Variants in TMEM135 observed in about 807,000 individuals in gnomAD.
TMEM135 encodes peroxisomal membrane protein 52.
Under a neutral mutation model 60.3 loss-of-function variants are expected in TMEM135, and 30 were observed. The observed-to-expected ratio is 0.50, with a 90% CI of 0.37 to 0.68. The LOEUF (loss-of-function observed/expected upper bound fraction) is 0.68, where lower values mean the gene tolerates loss of function less well. TMEM135 is among the 30% of genes least tolerant of loss of function. The pLI, the probability that TMEM135 is intolerant of heterozygous loss-of-function variation, is 0.00. For synonymous variants in TMEM135, 190 were observed against 186.7 expected (o/e 1.02, Z -0.14); for missense variants, 468 against 548.8 (o/e 0.85, Z 1.47).
At chr11:87,192,550 G>T (rs550159368) in intron 5 of TMEM135, among the ~76,000 whole-genome samples, 2 of 152,096 alleles carry the variant, frequency 1.3e-5, no homozygotes, top group African/African-American at 4.8e-5. Context: ...AAGGCAATTA[G>T]GTAAATATGA....
intron 3 of TMEM135, among the ~76,000 whole-genome samples, chr11:87,083,471 G>A (rs995279719): frequency 5.9e-5 from 9 of 152,314 alleles, no homozygotes; most frequent in South Asian, 4.1e-4. Flanking sequence ...ATGGATTAAA[G>A]TATCAACAAT....
chr11:87,139,104 G>T (rs966111860), intron 4 of TMEM135, among the ~76,000 whole-genome samples: 5 of 152,066 alleles, frequency 3.3e-5, no homozygotes, highest in African/African-American at 1.2e-4. Context: ...AAGTTTATAT[G>T]AATTTAAGAT....
chr11:87,167,452 A>AATATATAT (rs2135283031), intron 5 of TMEM135, among the ~76,000 whole-genome samples: 1 of 152,232 alleles, frequency 6.6e-6, no homozygotes, highest in South Asian at 2.1e-4. Context: ...GTTTGTCATA[A>AATATATAT]ATAGCTCTTA....
At chr11:87,204,096 C>T (rs891453171) in intron 5 of TMEM135, among the ~76,000 whole-genome samples, 16 of 151,764 alleles carry the variant, frequency 1.1e-4, no homozygotes, top group Admixed American at 9.2e-4. Flanking sequence ...TCTTTTGGCT[C>T]GTTTACTTTC....
intron 5 of TMEM135, among the ~76,000 whole-genome samples, chr11:87,229,148 T>C (rs781396248): frequency 1.3e-5 from 2 of 152,180 alleles, no homozygotes; most frequent in Non-Finnish European, 2.9e-5. Context: ...CTTAATACAT[T>C]TTGACGTTTC....
chr11:87,062,761 C>A (rs185796823), intron 1 of TMEM135, among the ~76,000 whole-genome samples: 61 of 151,960 alleles, frequency 4.0e-4, no homozygotes, highest in African/African-American at 1.4e-3. Flanking sequence ...TGCACTCGGC[C>A]CATTTATTTT....
intron 4 of TMEM135, among the ~76,000 whole-genome samples, chr11:87,111,724 A>G (rs147090877): frequency 6.6e-6 from 1 of 151,770 alleles, no homozygotes; most frequent in East Asian, 1.9e-4. Context: ...TCAGTGAATT[A>G]TACCCACATA....
At chr11:87,306,229 TA>T (rs1468039151) in intron 9 of TMEM135, among the ~76,000 whole-genome samples, 13 of 152,334 alleles carry the variant, frequency 8.5e-5, no homozygotes, top group Non-Finnish European at 1.9e-4. Flanking sequence ...TTAGCTTGTT[TA>T]AAAATTGGCT....
chr11:87,101,437 C>T (rs1417911737), intron 4 of TMEM135, among the ~76,000 whole-genome samples: 1 of 152,096 alleles, frequency 6.6e-6, no homozygotes, highest in Non-Finnish European at 1.5e-5. Context: ...GTAGTTAGTT[C>T]ACTTACATTT....
At chr11:87,278,188 T>C (rs1291647293) in intron 6 of TMEM135, among the ~76,000 whole-genome samples, 1 of 152,208 alleles carries the variant, frequency 6.6e-6, no homozygotes, top group East Asian at 1.9e-4. Context: ...GTTACCTCTA[T>C]ACTAAAAAAT....
At chr11:87,130,190 C>T (rs1343841558) in intron 4 of TMEM135, among the ~76,000 whole-genome samples, 2 of 149,372 alleles carry the variant, frequency 1.3e-5, no homozygotes, top group Admixed American at 6.7e-5. Flanking sequence ...AAGTAAATTA[C>T]AAGGAGTCTT....
chr11:87,067,708 C>T lies in TMEM135; in HGVS notation c.156C>T (p.Leu52=), dbSNP rs746898670. The T allele has an allele frequency of 1.2e-6, 2 of 1,613,760 alleles. No homozygotes were observed. The highest frequency in any genetic ancestry group is 1.7e-6 in the Non-Finnish European group (2 of 1,179,850). The part of the protein sequence containing the change: ...YAPLYLIAAI[L]RKRKLDYYLH... The stretch of plus-strand genomic sequence containing the variant: ...TCTCTTTCCAGATTGCAGCAATTCT[C>T]CGGAAACGGAAATTAGACTATTATT... The change falls in exon 2 of 15, where the codon CTC becomes CTT. Residue 52 remains leucine, a synonymous_variant. Transcript: ENST00000305494.
chr11:87,121,639 C>CTTTTTTTTTTTTTT (rs542358265), intron 4 of TMEM135: 1 of 110,222 alleles, frequency 9.1e-6, no homozygotes, highest in Non-Finnish European at 1.8e-5. Context: ...TTTGAATGTA[C>CTTTTTTTTTTTTTT]TTTTTTTTTT....
rs1293614716 is a variant in TMEM135, at chr11:87,324,167, A to G, written c.*2834A>G. On this transcript the variant is annotated 3_prime_UTR_variant, in exon 15 of 15. Transcript: ENST00000305494. ...ACATTTCATTTAGTTGTTAATGCTG[A>G]CGTAATTGTTTCCTGCTTATATTTT... 4.4e-6 allele frequency: 2 copies of G among 454,028 alleles called. No homozygotes were observed. Among genetic ancestry groups the G allele is most frequent in the Admixed American group, 4.7e-5 (2 of 42,558 alleles). The allele number at this position is 454,028 out of a possible 1,614,324, so 28.1% of individuals were successfully genotyped here.
intron 1 of TMEM135, among the ~76,000 whole-genome samples, chr11:87,056,987 G>A (rs1308749202): frequency 6.6e-6 from 1 of 152,160 alleles, no homozygotes; most frequent in African/African-American, 2.4e-5. Context: ...ATGAAAGAGT[G>A]TTTTGGTTTA....
At chr11:87,198,898 T>C (rs1040534978) in intron 5 of TMEM135, among the ~76,000 whole-genome samples, 13 of 152,028 alleles carry the variant, frequency 8.6e-5, no homozygotes, top group Middle Eastern at 3.4e-3. Context: ...TGTCTTTTTT[T>C]ATTTTGCTAG....
chr11:87,248,419 T>C (rs917623934), intron 6 of TMEM135, among the ~76,000 whole-genome samples: 12 of 152,198 alleles, frequency 7.9e-5, no homozygotes, highest in African/African-American at 2.9e-4. Context: ...TGATATCTCA[T>C]TGTATTTTTG....
intron 5 of TMEM135, among the ~76,000 whole-genome samples, chr11:87,212,754 C>T (rs760834877): frequency 1.2e-4 from 18 of 146,094 alleles, no homozygotes; most frequent in Admixed American, 6.3e-4. Context: ...GCCTGAGAAG[C>T]GGAGGTTGTA....
At chr11:87,253,810 T>C (rs1156635584) in intron 6 of TMEM135, among the ~76,000 whole-genome samples, 2 of 151,686 alleles carry the variant, frequency 1.3e-5, no homozygotes, top group African/African-American at 4.8e-5. Context: ...TAGAATTTAA[T>C]AGTAACAATC....
Sources: gnomAD v4.1 joint callset for allele counts (sites outside exome capture counted in the v4.1 genomes callset) on GRCh38, gnomAD v4.1.1 for gene constraint, MANE v1.5 for transcripts, NCBI Gene and HGNC (gene_info 2026-07-23, HGNC 2026-07-21) for gene names.